COPS3: variants seen among roughly 807,000 people sequenced by gnomAD.
COPS3 encodes the protein COP9 signalosome complex subunit 3.
A neutral mutation model predicts 58.2 loss-of-function variants in COPS3; 10 were observed. The ratio of observed to expected loss-of-function variants is 0.17; its 90% CI spans 0.11 to 0.29. The LOEUF (loss-of-function observed/expected upper bound fraction) is 0.29. COPS3 is among the 10% of genes least tolerant of loss of function. The pLI is 1.00. For synonymous variants in COPS3, 187 were observed against 181.7 expected (o/e 1.03, Z -0.24); for missense variants, 333 against 510.1 (o/e 0.65, Z 3.34).
At chr17:17,266,295 A>G (rs1300401602) in intron 5 of COPS3, among the ~76,000 whole-genome samples, 1 of 152,262 alleles carries the variant, frequency 6.6e-6, no homozygotes, top group Admixed American at 6.5e-5. Flanking sequence ...AAGAGTATGC[A>G]TAGATTATTA....
At position 17,260,435 on chromosome 17, in the gene COPS3, A is replaced by C. The variant is rs1278820054; in HGVS notation, c.802T>G (p.Ser268Ala). The C allele has an allele frequency of 6.2e-7, 1 of 1,614,190 alleles. No individual in the cohort carries two copies. The highest frequency in any genetic ancestry group is 8.5e-7 in the Non-Finnish European group (1 of 1,180,028). The change falls in exon 8 of 12, where the codon TCA (serine) becomes GCA (alanine). Residue 268 changes from serine to alanine, a missense_variant. Coordinates refer to ENST00000268717, the MANE Select transcript of COPS3 (RefSeq NM_003653.4). ...NAYHELAQVYSTNNPSELRNL... is the reference protein window; with the variant it reads ...NAYHELAQVYATNNPSELRNL... ...CGGAGTTCTGAGGGGTTGTTGGTTG[A>C]ATACACTTGTGCTAACTCGTGGTAT...
rs543898279 is a variant in COPS3, at chr17:17,255,464, C to T, written c.937-519G>A. Among the ~76,000 whole-genome samples, 46 of 123,698 alleles carry T rather than the reference C, an allele frequency of 3.7e-4. No homozygotes were observed. The East Asian group carries it at 8.2e-3, about 22-fold the overall frequency. 81.2% of individuals were successfully genotyped at this position (123,698 alleles called of 152,430 possible). The stretch of plus-strand genomic sequence containing the variant: ...CTGCGCCACTGCTCTCCAGCCTGGA[C>T]GACAGAGCAAGACTCTATTTCAAAA... On this transcript the variant is annotated intron_variant, in intron 8 of 11. Coordinates refer to ENST00000268717, the MANE Select transcript of COPS3 (RefSeq NM_003653.4).
rs914622781 is a variant in COPS3, at chr17:17,254,672, A to G, written c.1023+187T>C. On this transcript the variant is annotated intron_variant, in intron 9 of 11. Coordinates refer to ENST00000268717, the MANE Select transcript of COPS3 (RefSeq NM_003653.4). ...TAAAAATACAAAAATTTAGCCGGGCATGGTGGCGCATGCCTGTAGTCCCAG... is the reference window on the plus strand; with the variant it reads ...TAAAAATACAAAAATTTAGCCGGGCGTGGTGGCGCATGCCTGTAGTCCCAG... Among the ~76,000 whole-genome samples the G allele has an allele frequency of 2.6e-5, 4 of 151,860 alleles. No homozygotes were observed. The South Asian group carries it at 6.2e-4, about 24-fold the overall frequency.
chr17:17,272,475 A>G (rs2048374109), intron 2 of COPS3, among the ~76,000 whole-genome samples: 1 of 152,240 alleles, frequency 6.6e-6, no homozygotes, highest in Non-Finnish European at 1.5e-5. Flanking sequence ...GTTTTAAAAA[A>G]TGGCCATCTC....
intron 6 of COPS3, among the ~76,000 whole-genome samples, chr17:17,263,267 G>A (rs1488373441): frequency 4.2e-5 from 6 of 141,432 alleles, no homozygotes; most frequent in African/African-American, 7.7e-5. Context: ...CAGCCTGGGC[G>A]ACAGAGCAAG....
chr17:17,260,198 C>G (rs2048061812), intron 8 of COPS3, 103 bp downstream of exon 8: 2 of 1,148,370 alleles, frequency 1.7e-6, no homozygotes, highest in Non-Finnish European at 2.5e-6. Flanking sequence ...TCCTGCCATG[C>G]TTTATCCCTG....
rs781612200 is a variant in COPS3 at position 17,281,227 on chromosome 17, C to CG, written c.-42dup. ...GCCCGAGCGGCGAAGGCAGCACGCG[C>CG]GGGAAAAGGCTGCCGCTCTGGGAGG... On this transcript the variant is annotated 5_prime_UTR_variant, in exon 1 of 12. Transcript: ENST00000268717. 11 of 1,590,364 alleles carry CG rather than the reference C, an allele frequency of 6.9e-6. No individual in the cohort carries two copies. Among genetic ancestry groups the CG allele is most frequent in the Non-Finnish European group, 9.4e-6 (11 of 1,168,054 alleles).
intron 10 of COPS3, chr17:17,247,827 T>C (rs1736204): frequency 0.75 from 261,567 of 349,886 alleles, 98,141 homozygotes; most frequent in East Asian, 0.84. Flanking sequence ...AGTATATTCA[T>C]GCTGAGATAA....
intron 7 of COPS3, 80 bp from the exon 8 acceptor site, chr17:17,260,554 A>C: frequency 4.5e-5 from 64 of 1,417,450 alleles, no homozygotes; most frequent in Non-Finnish European, 5.8e-5. Context: ...CTGTAATCTC[A>C]ACACTTTGGG....
chr17:17,280,876 C>T (rs2048568227), intron 1 of COPS3: 2 of 1,066,846 alleles, frequency 1.9e-6, no homozygotes, highest in African/African-American at 1.6e-5. Flanking sequence ...GTGGAAGGGG[C>T]CCAGGCCGGG....
chr17:17,272,598 A>G (rs1484595418), intron 2 of COPS3, among the ~76,000 whole-genome samples: 1 of 152,192 alleles, frequency 6.6e-6, no homozygotes, highest in Non-Finnish European at 1.5e-5. Flanking sequence ...GCCACAGGGC[A>G]TGGCAGAATA....
chr17:17,279,615 A>G (rs2048533144), intron 1 of COPS3, among the ~76,000 whole-genome samples: 1 of 151,844 alleles, frequency 6.6e-6, no homozygotes, highest in African/African-American at 2.4e-5. Context: ...CATTTTTACA[A>G]TGGAGATGCA....
intron 4 of COPS3, among the ~76,000 whole-genome samples, chr17:17,269,609 A>T (rs1325597998): frequency 2.0e-5 from 3 of 152,134 alleles, no homozygotes; most frequent in Non-Finnish European, 4.4e-5. Context: ...AAAATAAATA[A>T]CTAAATAAAT....
chr17:17,276,175 G>A lies in COPS3; in HGVS notation c.56-11C>T. The A allele has an allele frequency of 6.2e-7, 1 of 1,613,276 alleles. No homozygotes were observed. The highest frequency in any genetic ancestry group is 1.1e-5 in the South Asian group (1 of 91,066). ...GCTGTGTCATTTGCCCTGGAAAACA[G>A]GAACAACACTATTGCATTTCAGCTA... On this transcript the variant is annotated splice_polypyrimidine_tract_variant and intron_variant, in intron 1 of 11. Transcript: ENST00000268717.
chr17:17,262,040 C>T lies in COPS3; in HGVS notation c.688G>A (p.Val230Met). The T allele has an allele frequency of 6.2e-7, 1 of 1,610,418 alleles. No individual in the cohort carries two copies. The highest frequency in any genetic ancestry group is 8.5e-7 in the Non-Finnish European group (1 of 1,177,808). ...MLESYKKYIL[V>M]SLILLGKVQQ... ...ACTTTGCCAAGTAATATCAAAGACA[C>T]TAAAATATACTTTTTATATGATTCC... The change falls in exon 7 of 12, where the codon GTG (valine) becomes ATG (methionine). Residue 230 changes from valine to methionine, a missense_variant. Coordinates refer to ENST00000268717, the MANE Select transcript of COPS3 (RefSeq NM_003653.4).
intron 1 of COPS3, among the ~76,000 whole-genome samples, chr17:17,277,566 C>T (rs945965191): frequency 4.6e-5 from 7 of 151,726 alleles, no homozygotes; most frequent in Non-Finnish European, 1.0e-4. Context: ...TACAGGTGTA[C>T]GTCACCATGC....
rs145197554 is a variant in COPS3, at chr17:17,247,036, C to T, written c.*62G>A. On this transcript the variant is annotated 3_prime_UTR_variant, in exon 12 of 12. Coordinates refer to ENST00000268717, the MANE Select transcript of COPS3 (RefSeq NM_003653.4). The stretch of plus-strand genomic sequence containing the variant: ...AGGCTTGGTCCTCTCTGCTGCCCTC[C>T]GAACACTTGTCACTGGCCAAGATGG... 1,185 of 1,489,232 alleles carry T rather than the reference C, an allele frequency of 8.0e-4. 8 individuals are homozygous for T. The African/African-American group carries it at 0.013, about 16-fold the overall frequency. The allele number at this position is 1,489,232 out of a possible 1,614,324, so 92.3% of individuals were successfully genotyped here.
chr17:17,276,590 A>T (rs562299326), intron 1 of COPS3, among the ~76,000 whole-genome samples: 8 of 145,496 alleles, frequency 5.5e-5, no homozygotes, highest in African/African-American at 2.0e-4. Context: ...TTTTTTTAAG[A>T]TGGAGTTTCA....
chr17:17,272,724 T>C (rs8072185), intron 2 of COPS3, among the ~76,000 whole-genome samples: 1 of 152,134 alleles, frequency 6.6e-6, no homozygotes, highest in Non-Finnish European at 1.5e-5. Flanking sequence ...CAACATAATA[T>C]GGCCCTATCT....
Sources: allele counts gnomAD v4.1 joint callset (sites outside exome capture counted in the v4.1 genomes callset), GRCh38; gene constraint gnomAD v4.1.1; transcripts MANE v1.5; gene names NCBI Gene and HGNC (gene_info 2026-07-23, HGNC 2026-07-21).